CACNA1C: variants seen among roughly 807,000 people sequenced by gnomAD.
The protein encoded by CACNA1C is voltage-dependent L-type calcium channel subunit alpha-1C.
A neutral mutation model predicts 229.0 loss-of-function variants in CACNA1C; 30 were observed. The observed-to-expected ratio is 0.13, with a 90% CI of 0.10 to 0.18. The LOEUF is 0.18. Ranked by LOEUF, CACNA1C falls within the 10% of genes least tolerant of loss-of-function variation. The pLI is 1.00. For missense variants in CACNA1C, 1,658 were observed against 2,845.0 expected (o/e 0.58, Z 9.49); for synonymous variants, 1,114 against 1,132.5 (o/e 0.98, Z 0.33).
At chr12:2,388,956 T>C (rs188334854) in intron 3 of CACNA1C, among the ~76,000 whole-genome samples, 1 of 152,186 alleles carries the variant, frequency 6.6e-6, no homozygotes, top group African/African-American at 2.4e-5. Context: ...AAATGTAGAT[T>C]GGGGTCATCA....
chr12:2,541,461 G>A (rs1046449099), intron 9 of CACNA1C, among the ~76,000 whole-genome samples: 4 of 152,190 alleles, frequency 2.6e-5, no homozygotes, highest in South Asian at 2.1e-4. Context: ...CCATCCTGGA[G>A]TGCCGGGAAG....
At chr12:2,089,444 T>G (rs1481957403) in intron 1 of CACNA1C, among the ~76,000 whole-genome samples, 1 of 152,196 alleles carries the variant, frequency 6.6e-6, no homozygotes, top group East Asian at 1.9e-4. Context: ...GTAGTAAGAC[T>G]TGACTCCTGT....
chr12:2,071,172 C>CCCTCCCTCCCTTCCTGCCTG (rs1555115765), intron 1 of CACNA1C, among the ~76,000 whole-genome samples: 1,173 of 16,006 alleles, frequency 0.073, 331 homozygotes, highest in Middle Eastern at 0.17. Context: ...CTCCCTCCCT[C>CCCTCCCTCCCTTCCTGCCTG]CCTGCCTGCC....
At chr12:2,546,522 C>T (rs1465293715) in intron 9 of CACNA1C, among the ~76,000 whole-genome samples, 10 of 152,190 alleles carry the variant, frequency 6.6e-5, no homozygotes, top group African/African-American at 2.4e-4. Flanking sequence ...GGTGTCTTCA[C>T]ACTCTTCCGT....
At chr12:2,465,776 T>G (rs2099546767) in intron 5 of CACNA1C, among the ~76,000 whole-genome samples, 1 of 151,966 alleles carries the variant, frequency 6.6e-6, no homozygotes, top group Non-Finnish European at 1.5e-5. Flanking sequence ...CCAGGGAGGT[T>G]CACGAACCCA....
intron 4 of CACNA1C, among the ~76,000 whole-genome samples, chr12:2,450,329 C>A (rs188942611): frequency 1.3e-5 from 2 of 151,856 alleles, no homozygotes; most frequent in African/African-American, 2.4e-5. Flanking sequence ...CCAAGGCGGG[C>A]GGATCACGAG....
intron 3 of CACNA1C, among the ~76,000 whole-genome samples, chr12:2,194,764 C>T (rs1024759735): frequency 6.6e-6 from 1 of 152,148 alleles, no homozygotes; most frequent in Non-Finnish European, 1.5e-5. Context: ...AAGTCCTGAC[C>T]CTGCCGTGGA....
upstream of CACNA1C, among the ~76,000 whole-genome samples, chr12:2,048,065 C>G (rs1706780140): frequency 6.6e-6 from 1 of 152,224 alleles, no homozygotes; most frequent in African/African-American, 2.4e-5. Flanking sequence ...GCTGGAGGAG[C>G]TGTGGGCTCC....
intron 3 of CACNA1C, among the ~76,000 whole-genome samples, chr12:2,143,979 C>T (rs749128606): frequency 6.0e-5 from 9 of 151,194 alleles, no homozygotes; most frequent in Admixed American, 1.3e-4. Context: ...AGCTGCCTGA[C>T]TGTGAATTTA....
At chr12:2,513,051 C>A in intron 9 of CACNA1C, 67 bp downstream of exon 9, 2 of 1,357,732 alleles carry the variant, frequency 1.5e-6, no homozygotes, top group South Asian at 1.5e-5. Flanking sequence ...TCGGGGTCAG[C>A]ACAGAACTTT....
rs538308223 is a variant in CACNA1C at position 2,117,253 on chromosome 12, A to G, written c.371+1708A>G. 1.1e-4 allele frequency among the ~76,000 whole-genome samples: 17 copies of G among 151,792 alleles called. No individual in the cohort carries two copies. The East Asian group carries it at 3.3e-3, about 29-fold the overall frequency. ...GCCACTGCACTCCAGCCTGAGGAAAAGAGTGAAACTCTGTCTCAAATAAAT... is the reference window on the plus strand; with the variant it reads ...GCCACTGCACTCCAGCCTGAGGAAAGGAGTGAAACTCTGTCTCAAATAAAT... On this transcript the variant is annotated intron_variant, in intron 2 of 46. Transcript: ENST00000399655.
Position 2,664,696 on chromosome 12 carries a change from T to G in CACNA1C, c.4233-129T>G, listed in dbSNP as rs4765702. ...ATATATCAGAGCATTCAGGGAATGA[T>G]GAACATCAAGTTCATTTTAGTAACT... On this transcript the variant is annotated intron_variant, in intron 34 of 46. Coordinates refer to ENST00000399655, the MANE Select transcript of CACNA1C (RefSeq NM_000719.7). The G allele has an allele frequency of 0.077, 49,719 of 646,500 alleles. 2,552 individuals carry two copies. Among genetic ancestry groups the G allele is most frequent in the East Asian group, 0.18 (6,418 of 34,854 alleles). The allele number at this position is 646,500 out of a possible 1,614,324, so 40.0% of individuals were successfully genotyped here. A position where few individuals can be genotyped will look rare whatever the true frequency, so the allele number is the denominator to read the frequency against.
chr12:2,399,991 G>C lies in CACNA1C; in HGVS notation c.478-48985G>C, dbSNP rs552756601. On this transcript the variant is annotated intron_variant, in intron 3 of 46. Coordinates refer to ENST00000399655, the MANE Select transcript of CACNA1C (RefSeq NM_000719.7). ...AAGGTTTTTAGGAGATTTAGACAGT[G>C]AGTCTTACAACAGCTGTGCCCAGTT... is the stretch of plus-strand genomic sequence containing the variant. Among the ~76,000 whole-genome samples the C allele has an allele frequency of 2.6e-5, 4 of 152,302 alleles. No individual in the cohort carries two copies. In the East Asian group the frequency reaches 5.8e-4, roughly 22 times the overall value.
chr12:2,424,772 G>A (rs1475238116), intron 3 of CACNA1C, among the ~76,000 whole-genome samples: 1 of 152,200 alleles, frequency 6.6e-6, no homozygotes, highest in East Asian at 1.9e-4. Flanking sequence ...GGGTGAGGAG[G>A]AAGTTGAGGA....
At chr12:2,119,370 G>A (rs940310926) in intron 2 of CACNA1C, among the ~76,000 whole-genome samples, 3 of 152,282 alleles carry the variant, frequency 2.0e-5, no homozygotes, top group Admixed American at 1.3e-4. Flanking sequence ...GTAGGTGGGA[G>A]TGGAGCTGGA....
intron 2 of CACNA1C, 133 bp from the exon 3 acceptor site, chr12:2,120,192 A>G (rs916418845): frequency 4.4e-6 from 3 of 677,440 alleles, no homozygotes; most frequent in Non-Finnish European, 7.9e-6. Context: ...TTCTTTTCAG[A>G]ATACAAGGGG....
chr12:2,618,937 G>A (rs1488464369), intron 29 of CACNA1C, among the ~76,000 whole-genome samples: 3 of 152,164 alleles, frequency 2.0e-5, no homozygotes, highest in Non-Finnish European at 4.4e-5. Flanking sequence ...CACCTGCACC[G>A]CTCACCAGGA....
chr12:2,360,069 G>A (rs984426590), intron 3 of CACNA1C, among the ~76,000 whole-genome samples: 2 of 151,658 alleles, frequency 1.3e-5, no homozygotes, highest in Non-Finnish European at 2.9e-5. Flanking sequence ...ATACAATTTC[G>A]TGGGCCCTAT....
intron 3 of CACNA1C, among the ~76,000 whole-genome samples, chr12:2,176,275 A>T (rs1355758918): frequency 6.6e-6 from 1 of 152,024 alleles, no homozygotes; most frequent in Non-Finnish European, 1.5e-5. Context: ...GCTGGTGTGG[A>T]GCCCGTGTGG....
Sources: gnomAD v4.1 joint callset for allele counts (sites outside exome capture counted in the v4.1 genomes callset) on GRCh38, gnomAD v4.1.1 for gene constraint, MANE v1.5 for transcripts, NCBI Gene and HGNC (gene_info 2026-07-23, HGNC 2026-07-21) for gene names.